The following LRRC28 variants were observed in gnomAD, a reference collection of about 807,000 sequenced individuals.
The protein encoded by LRRC28 is leucine rich repeat containing 28.
A neutral mutation model predicts 45.7 loss-of-function variants in LRRC28; 39 were observed. The ratio of observed to expected loss-of-function variants is 0.85; its 90% CI spans 0.66 to 1.12. The LOEUF (loss-of-function observed/expected upper bound fraction) is 1.12, where lower values mean the gene tolerates loss of function less well. Among genes scored for constraint, LRRC28 ranks in the 50% most tolerant of loss-of-function variants. The pLI is 0.00. For synonymous variants in LRRC28, 206 were observed against 178.8 expected (o/e 1.15, Z -1.22); for missense variants, 435 against 438.5 (o/e 0.99, Z 0.07).
intron 5 of LRRC28, among the ~76,000 whole-genome samples, chr15:99,309,354 T>C (rs1955311852): frequency 6.6e-6 from 1 of 151,698 alleles, no homozygotes; most frequent in Non-Finnish European, 1.5e-5. Context: ...CCCAGTTTAG[T>C]TGATTGTTAT....
Position 99,386,169 on chromosome 15 carries a change from T to A in LRRC28, c.*67T>A, listed in dbSNP as rs960584117. Reference sequence around the variant, plus strand: ...GGGGAATCCAGCCAGTCCAGCACACTCTTCCATCCTGTCCTGTCCAATGCG... The same window carrying A: ...GGGGAATCCAGCCAGTCCAGCACACACTTCCATCCTGTCCTGTCCAATGCG... On this transcript the variant is annotated 3_prime_UTR_variant, in exon 10 of 10. Transcript: ENST00000301981. 12 of 1,242,238 alleles carry A rather than the reference T, an allele frequency of 9.7e-6. No homozygotes were observed. The East Asian group carries it at 1.6e-4, about 17-fold the overall frequency. 77.0% of individuals were successfully genotyped at this position (1,242,238 alleles called of 1,614,324 possible). A position where few individuals can be genotyped will look rare whatever the true frequency, so the allele number is the denominator to read the frequency against.
chr15:99,266,800 C>T (rs1339412859), intron 2 of LRRC28, among the ~76,000 whole-genome samples: 1 of 152,132 alleles, frequency 6.6e-6, no homozygotes, highest in East Asian at 1.9e-4. Flanking sequence ...AGTGCTCAAA[C>T]AGTTTTACGC....
chr15:99,385,102 G>A (rs777443776), intron 9 of LRRC28, among the ~76,000 whole-genome samples: 8 of 152,162 alleles, frequency 5.3e-5, no homozygotes, highest in Non-Finnish European at 1.2e-4. Flanking sequence ...TAGCAAAGGG[G>A]GCCTGCCTGA....
At chr15:99,257,567 G>T in intron 2 of LRRC28, 2 of 544,324 alleles carry the variant, frequency 3.7e-6, no homozygotes, top group East Asian at 7.2e-5. Flanking sequence ...TCCAACCCGG[G>T]GGTGAGAGGG....
chr15:99,347,279 G>A (rs921413452), intron 6 of LRRC28, among the ~76,000 whole-genome samples: 3 of 151,140 alleles, frequency 2.0e-5, no homozygotes, highest in African/African-American at 4.9e-5. Context: ...GTGCTATCTC[G>A]GCTCACTGCA....
chr15:99,296,640 A>G (rs1380603660), intron 5 of LRRC28, among the ~76,000 whole-genome samples: 1 of 152,144 alleles, frequency 6.6e-6, no homozygotes, highest in East Asian at 1.9e-4. Flanking sequence ...GATTTTCTCT[A>G]TTTTGTGGGG....
At chr15:99,295,658 T>G (rs529934074) in intron 5 of LRRC28, among the ~76,000 whole-genome samples, 2 of 152,342 alleles carry the variant, frequency 1.3e-5, no homozygotes, top group Admixed American at 1.3e-4. Flanking sequence ...GTTGCTTACA[T>G]CTGGCATATA....
intron 5 of LRRC28, among the ~76,000 whole-genome samples, chr15:99,301,521 A>G (rs559573780): frequency 5.3e-5 from 8 of 152,354 alleles, no homozygotes; most frequent in South Asian, 2.1e-4. Context: ...TAAACTTTCA[A>G]TAAGGCAAAA....
At chr15:99,289,806 G>A (rs979087059) in intron 5 of LRRC28, among the ~76,000 whole-genome samples, 91 of 150,298 alleles carry the variant, frequency 6.1e-4, no homozygotes, top group Non-Finnish European at 1.1e-3. Context: ...GGTGGCGGGC[G>A]CCTGTAGTCC....
chr15:99,257,810 A>C (rs1184104046), intron 2 of LRRC28: 2 of 779,092 alleles, frequency 2.6e-6, no homozygotes, highest in Non-Finnish European at 4.8e-6. Context: ...AGTTGGATAA[A>C]TTAAATGCAT....
chr15:99,297,582 C>T (rs2082298650), intron 5 of LRRC28, among the ~76,000 whole-genome samples: 1 of 151,484 alleles, frequency 6.6e-6, no homozygotes, highest in Non-Finnish European at 1.5e-5. Context: ...TTTCCTAGAC[C>T]TAAAGTTACT....
chr15:99,304,628 G>A (rs1438552425), intron 5 of LRRC28, among the ~76,000 whole-genome samples: 1 of 151,800 alleles, frequency 6.6e-6, no homozygotes, highest in Non-Finnish European at 1.5e-5. Flanking sequence ...TGTATTTTTA[G>A]TAGAGACGGG....
At chr15:99,336,691 C>T (rs1183184812) in intron 6 of LRRC28, among the ~76,000 whole-genome samples, 1 of 152,164 alleles carries the variant, frequency 6.6e-6, no homozygotes, top group African/African-American at 2.4e-5. Context: ...GGCCTAGTGT[C>T]AGTAGCTTCT....
At chr15:99,307,570 T>A (rs1243276149) in intron 5 of LRRC28, among the ~76,000 whole-genome samples, 1 of 152,228 alleles carries the variant, frequency 6.6e-6, no homozygotes, top group Admixed American at 6.5e-5. Context: ...GTAAAAGTTG[T>A]TACATATAGA....
At chr15:99,273,541 C>CTG (rs151200070) in intron 2 of LRRC28, among the ~76,000 whole-genome samples, 13,785 of 152,112 alleles carry the variant, frequency 0.091, 659 homozygotes, top group African/African-American at 0.13. Flanking sequence ...CCGGCCGTGT[C>CTG]TGTGTGTTTT....
At chr15:99,289,699 C>T (rs947944596) in intron 5 of LRRC28, among the ~76,000 whole-genome samples, 2 of 150,876 alleles carry the variant, frequency 1.3e-5, no homozygotes, top group African/African-American at 2.4e-5. Context: ...TTTGGGAGGC[C>T]GAGGCGGGTG....
chr15:99,256,102 A>C lies in LRRC28; in HGVS notation c.145A>C (p.Lys49Gln). Residue 49 changes from lysine to glutamine, a missense_variant, in exon 2 of 10, where the codon AAA (lysine) becomes CAA (glutamine). Physicochemically the swap from Lys to Gln is moderately conservative, Grantham distance 53. Coordinates refer to ENST00000301981, the MANE Select transcript of LRRC28 (RefSeq NM_144598.5). ...GCAGTACTTGGAGAGACTCTATATG[A>C]AAAGGAACTCCCTGACATCCTTGGT... ...GLQYLERLYM[K>Q]RNSLTSLPEN... 6.2e-7 allele frequency: 1 copy of C among 1,610,618 alleles called. No homozygotes were observed. The highest frequency in any genetic ancestry group is 8.5e-7 in the Non-Finnish European group (1 of 1,178,722).
chr15:99,280,486 A>G (rs76529567), intron 3 of LRRC28, among the ~76,000 whole-genome samples: 10,812 of 129,676 alleles, frequency 0.083, 396 homozygotes, highest in South Asian at 0.1. Flanking sequence ...TAGAATTCTT[A>G]GTGACCATTT....
intron 2 of LRRC28, among the ~76,000 whole-genome samples, chr15:99,273,650 G>A (rs961084487): frequency 1.3e-5 from 2 of 152,210 alleles, no homozygotes; most frequent in African/African-American, 4.8e-5. Flanking sequence ...ACATAGAGAT[G>A]CTCTATTGGC....
Sources: gnomAD v4.1 joint callset for allele counts (sites outside exome capture counted in the v4.1 genomes callset) on GRCh38, gnomAD v4.1.1 for gene constraint, MANE v1.5 for transcripts, NCBI Gene and HGNC (gene_info 2026-07-23, HGNC 2026-07-21) for gene names.